The following INPP4B variants were observed in gnomAD, a reference collection of about 807,000 sequenced individuals.
The protein encoded by INPP4B is inositol polyphosphate 4-phosphatase type II.
In INPP4B, 55 loss-of-function variants were observed where a neutral mutation model predicts 122.5. The ratio of observed to expected loss-of-function variants is 0.45; its 90% CI spans 0.36 to 0.56. The LOEUF (loss-of-function observed/expected upper bound fraction) is 0.56. Among genes scored for constraint, INPP4B ranks in the 20% least tolerant of loss-of-function variants. The probability of loss-of-function intolerance (pLI) is 0.00; values close to 1 mark genes in which losing one functional copy is unlikely to be tolerated. For missense variants in INPP4B, 1,000 were observed against 1,097.7 expected (o/e 0.91, Z 1.26); for synonymous variants, 403 against 388.7 (o/e 1.04, Z -0.43).
chr4:142,610,553 T>C (rs183863864), intron 2 of INPP4B, among the ~76,000 whole-genome samples: 2 of 152,290 alleles, frequency 1.3e-5, no homozygotes, highest in East Asian at 3.9e-4. Context: ...TAACAGCATA[T>C]GCTTTTCATA....
chr4:142,207,317 T>C (rs907834906), intron 14 of INPP4B, among the ~76,000 whole-genome samples: 9 of 152,308 alleles, frequency 5.9e-5, no homozygotes, highest in Non-Finnish European at 1.3e-4. Flanking sequence ...TGTGTGAATG[T>C]TGGACCCTAT....
At chr4:142,330,276 G>A (rs1193837893) in intron 7 of INPP4B, among the ~76,000 whole-genome samples, 1 of 152,130 alleles carries the variant, frequency 6.6e-6, no homozygotes. Flanking sequence ...AGCACCAAGA[G>A]GCCTATTAAC....
intron 9 of INPP4B, among the ~76,000 whole-genome samples, chr4:142,271,598 A>T (rs1352424128): frequency 2.0e-5 from 3 of 152,206 alleles, no homozygotes; most frequent in Non-Finnish European, 4.4e-5. Context: ...AGTACAAAAG[A>T]TTCTCTCCTA....
At chr4:142,545,747 A>ATATATACACATATATATGTGTG (rs1553955964) in intron 2 of INPP4B, among the ~76,000 whole-genome samples, 2 of 82,020 alleles carry the variant, frequency 2.4e-5, no homozygotes, top group Non-Finnish European at 6.5e-5. Flanking sequence ...ATATGTGTAT[A>ATATATACACATATATATGTGTG]TATATACACA....
chr4:142,254,615 T>G (rs975802819), intron 11 of INPP4B, among the ~76,000 whole-genome samples: 5 of 151,748 alleles, frequency 3.3e-5, no homozygotes, highest in South Asian at 2.1e-4. Flanking sequence ...CGATGGAAGA[T>G]GAAATGAATG....
intron 3 of INPP4B, among the ~76,000 whole-genome samples, chr4:142,442,055 A>G (rs1811840094): frequency 6.6e-6 from 1 of 152,176 alleles, no homozygotes; most frequent in East Asian, 1.9e-4. Context: ...ATAAAAAAGC[A>G]TATTTATGAA....
chr4:142,193,032 C>T, intron 15 of INPP4B, 55 bp downstream of exon 15: 2 of 1,069,766 alleles, frequency 1.9e-6, no homozygotes, highest in Non-Finnish European at 2.9e-6. Flanking sequence ...TATAGACTTC[C>T]CCAAAGGGGA....
chr4:142,593,315 C>T (rs922362397), intron 2 of INPP4B, among the ~76,000 whole-genome samples: 3 of 151,740 alleles, frequency 2.0e-5, no homozygotes, highest in Non-Finnish European at 4.4e-5. Flanking sequence ...CAACTGACCT[C>T]CTCACCCTCC....
At position 142,025,770 on chromosome 4, in the gene INPP4B, T is replaced by A. The variant is rs1236100110; in HGVS notation, c.*3012A>T. 2 of 152,168 alleles carry A rather than the reference T, an allele frequency of 1.3e-5. No homozygotes were observed. The highest frequency in any genetic ancestry group is 1.3e-4 in the Admixed American group (2 of 15,278). 9.4% of individuals were successfully genotyped at this position (152,168 alleles called of 1,614,324 possible). On this transcript the variant is annotated 3_prime_UTR_variant, in exon 26 of 26. Coordinates refer to ENST00000262992, the MANE Select transcript of INPP4B (RefSeq NM_001101669.3). Reference sequence around the variant, plus strand: ...TATAAAATAAGGGCTGGAGGCTGGGTCCATGGAGCTCTGCCCTGATTGGGC... The same window carrying A: ...TATAAAATAAGGGCTGGAGGCTGGGACCATGGAGCTCTGCCCTGATTGGGC...
intron 9 of INPP4B, among the ~76,000 whole-genome samples, chr4:142,286,067 C>A (rs1753517518): frequency 6.6e-6 from 1 of 152,052 alleles, no homozygotes; most frequent in South Asian, 2.1e-4. Flanking sequence ...TCCTACAGGA[C>A]TTTTTTTGTT....
intron 3 of INPP4B, among the ~76,000 whole-genome samples, chr4:142,449,309 G>A (rs776601812): frequency 6.6e-6 from 1 of 152,144 alleles, no homozygotes; most frequent in Non-Finnish European, 1.5e-5. Context: ...TAAGCGTATT[G>A]ACACTTAAAA....
At chr4:142,265,383 T>C (rs1742250358) in intron 10 of INPP4B, among the ~76,000 whole-genome samples, 1 of 152,212 alleles carries the variant, frequency 6.6e-6, no homozygotes, top group African/African-American at 2.4e-5. Flanking sequence ...TCAGTTACTT[T>C]CTCTTTCCAT....
intron 3 of INPP4B, among the ~76,000 whole-genome samples, chr4:142,432,148 AT>A (rs1809458865): frequency 6.6e-6 from 1 of 152,158 alleles, no homozygotes; most frequent in Non-Finnish European, 1.5e-5. Flanking sequence ...AACATGATAT[AT>A]ATGACCAAGA....
At chr4:142,224,083 C>T (rs889701898) in intron 12 of INPP4B, among the ~76,000 whole-genome samples, 1 of 152,116 alleles carries the variant, frequency 6.6e-6, no homozygotes, top group Non-Finnish European at 1.5e-5. Flanking sequence ...AATGCACGTG[C>T]TTCAGCCATG....
At chr4:142,784,227 G>T (rs1775370819) in intron 1 of INPP4B, among the ~76,000 whole-genome samples, 1 of 152,116 alleles carries the variant, frequency 6.6e-6, no homozygotes, top group Admixed American at 6.6e-5. Flanking sequence ...GCCGGGCGTG[G>T]TGGCATGTGC....
At chr4:142,783,000 T>C (rs1275008195) in intron 1 of INPP4B, among the ~76,000 whole-genome samples, 2 of 147,898 alleles carry the variant, frequency 1.4e-5, no homozygotes, top group Non-Finnish European at 1.5e-5. Context: ...TTACACCTTA[T>C]ACAAAAATTA....
chr4:142,455,921 T>C (rs2149544156), intron 3 of INPP4B, among the ~76,000 whole-genome samples: 1 of 152,250 alleles, frequency 6.6e-6, no homozygotes, highest in East Asian at 1.9e-4. Flanking sequence ...GAGTACCTTT[T>C]CATATACTTG....
chr4:142,218,275 T>C (rs1848116498), intron 12 of INPP4B, among the ~76,000 whole-genome samples: 1 of 152,152 alleles, frequency 6.6e-6, no homozygotes, highest in South Asian at 2.1e-4. Context: ...TCTCCTGACT[T>C]GTTCAAAAGA....
At chr4:142,813,041 C>A (rs1779703432) in intron 1 of INPP4B, among the ~76,000 whole-genome samples, 1 of 152,118 alleles carries the variant, frequency 6.6e-6, no homozygotes, top group Admixed American at 6.6e-5. Context: ...TGTGAGCTAA[C>A]TCCTAAAAAT....
Sources: allele counts gnomAD v4.1 joint callset (sites outside exome capture counted in the v4.1 genomes callset), GRCh38; gene constraint gnomAD v4.1.1; transcripts MANE v1.5; gene names NCBI Gene and HGNC (gene_info 2026-07-23, HGNC 2026-07-21).